Variants in ALG13 observed in about 807,000 individuals in gnomAD.
ALG13 encodes ALG13 UDP-N-acetylglucosaminyltransferase subunit.
ALG13 carries 11 observed loss-of-function variants against 87.8 expected under a neutral mutation model. The ratio of observed to expected loss-of-function variants is 0.13; its 90% CI spans 0.08 to 0.21. The LOEUF (loss-of-function observed/expected upper bound fraction) is 0.21. ALG13 is among the 10% of genes least tolerant of loss of function. ALG13 has a pLI of 1.00. For synonymous variants in ALG13, 320 were observed against 306.3 expected (o/e 1.04, Z -0.47); for missense variants, 756 against 866.1 (o/e 0.87, Z 1.60).
At position 111,737,183 on chromosome X, in the gene ALG13, C is replaced by T. The variant is rs375966601; in HGVS notation, c.2695+304C>T. On this transcript the variant is annotated intron_variant, in intron 23 of 26. Transcript: ENST00000394780. ...TTTTATCATATAAGAGTGAAGATAGCGATGCTTCTCACCTTATAGCAAACT... is the reference window on the plus strand; with the variant it reads ...TTTTATCATATAAGAGTGAAGATAGTGATGCTTCTCACCTTATAGCAAACT... 4.5e-4 allele frequency: 74 copies of T among 164,866 alleles called. 1 individual carries two copies. The South Asian group carries it at 0.022, about 49-fold the overall frequency. The allele number at this position is 164,866 out of a possible 1,213,427, so 13.6% of individuals were successfully genotyped here. A position where few individuals can be genotyped will look rare whatever the true frequency, so the allele number is the denominator to read the frequency against.
In ALG13 at chrX:111,760,218, C is replaced by A; in HGVS notation, c.*219C>A. On this transcript the variant is annotated 3_prime_UTR_variant, in exon 27 of 27. Transcript: ENST00000394780. ...AAATTGAGATGGATGTACAACTAGC[C>A]CCATATTGAGCATACTTCATTGTAT... 2 of 401,090 alleles carry A rather than the reference C, an allele frequency of 5.0e-6. No homozygotes were observed. Among genetic ancestry groups the A allele is most frequent in the Non-Finnish European group, 8.3e-6 (2 of 239,787 alleles). The allele number at this position is 401,090 out of a possible 1,213,427, so 33.1% of individuals were successfully genotyped here.
intron 10 of ALG13, among the ~76,000 whole-genome samples, chrX:111,719,592 CAT>C: frequency 8.9e-6 from 1 of 112,409 alleles, no homozygotes; most frequent in East Asian, 2.8e-4. Flanking sequence ...CTGAGTGTCT[CAT>C]AAGACTGTAA....
At chrX:111,714,113 A>G (rs1352219945) in intron 8 of ALG13, 1 of 111,303 alleles carries the variant, frequency 9.0e-6, no homozygotes, top group African/African-American at 3.3e-5. Context: ...AACTAAGGAG[A>G]AGTAGCATTA....
rs1368901233 is a variant in ALG13 at position 111,739,238 on chromosome X, A to G, written c.2695+2359A>G. On this transcript the variant is annotated intron_variant, in intron 23 of 26. Coordinates refer to ENST00000394780, the MANE Select transcript of ALG13 (RefSeq NM_001099922.3). ...GACCAGGAGAAACTGCCATTTATAAAACTATCAGATCTCATGAGAATTTAC... is the reference window on the plus strand; with the variant it reads ...GACCAGGAGAAACTGCCATTTATAAGACTATCAGATCTCATGAGAATTTAC... Among the ~76,000 whole-genome samples, 3 of 111,458 alleles carry G rather than the reference A, an allele frequency of 2.7e-5. No homozygotes were observed. The Admixed American group carries it at 2.9e-4, about 11-fold the overall frequency.
Position 111,735,071 on chromosome X carries a change from A to G in ALG13, c.2478A>G (p.Ser826=), listed in dbSNP as rs752069556. ...TANLSLQDRK[S]CSMSPQDTVT... ...TAAAGTCTCTTCAGGACAGAAAGTC[A>G]TGTTCTATGTCTCCTCAGGACACAG... The change falls in exon 22 of 27, where the codon TCA becomes TCG. Residue 826 remains serine, a synonymous_variant. Coordinates refer to ENST00000394780, the MANE Select transcript of ALG13 (RefSeq NM_001099922.3). 2 of 1,189,587 alleles carry G rather than the reference A, an allele frequency of 1.7e-6. No homozygotes were observed. Among genetic ancestry groups the G allele is most frequent in the South Asian group, 3.6e-5 (2 of 55,435 alleles).
chrX:111,733,408 TACTTC>T (rs1942917812), intron 21 of ALG13, among the ~76,000 whole-genome samples: 1 of 111,891 alleles, frequency 8.9e-6, no homozygotes, highest in Admixed American at 9.5e-5. Context: ...ATTCCTGAGT[TACTTC>T]ACTTAGAATA....
At chrX:111,716,928 CA>C (rs1304976306) in intron 8 of ALG13, 5 of 109,785 alleles carry the variant, frequency 4.6e-5, no homozygotes, top group Admixed American at 3.9e-4. Flanking sequence ...TTATATAAGA[CA>C]TTTTTTTTTG....
chrX:111,751,699 T>C lies in ALG13; in HGVS notation c.2933-1091T>C, dbSNP rs564051099. 2.7e-5 allele frequency among the ~76,000 whole-genome samples: 3 copies of C among 111,798 alleles called. No individual in the cohort carries two copies. In the Admixed American group the frequency reaches 2.9e-4, roughly 11 times the overall value. On this transcript the variant is annotated intron_variant, in intron 24 of 26. Coordinates refer to ENST00000394780, the MANE Select transcript of ALG13 (RefSeq NM_001099922.3). ...TTAGGCTTTATGCTGTGCTCCTATA[T>C]AATAGTCAAAATACAAGCTGATTTT...
intron 3 of ALG13, among the ~76,000 whole-genome samples, chrX:111,703,742 A>G (rs1244108153): frequency 8.9e-6 from 1 of 111,922 alleles, no homozygotes; most frequent in African/African-American, 3.2e-5. Context: ...GTTTGAATGT[A>G]CCACAGTTTT....
chrX:111,708,511 C>A, intron 4 of ALG13, 118 bp downstream of exon 4: 1 of 898,923 alleles, frequency 1.1e-6, no homozygotes, highest in Non-Finnish European at 1.5e-6. Context: ...AAACATCGGG[C>A]CTGTCAAGGT....
intron 3 of ALG13, among the ~76,000 whole-genome samples, chrX:111,701,077 G>T (rs996997142): frequency 9.0e-6 from 1 of 111,089 alleles, no homozygotes; most frequent in Non-Finnish European, 1.9e-5. Flanking sequence ...TGAGCATGGG[G>T]AATGAGTCTT....
Position 111,728,204 on chromosome X carries a change from C to G in ALG13, c.2267C>G (p.Thr756Arg), listed in dbSNP as rs772050498. The change falls in exon 19 of 27, where the codon ACA (threonine) becomes AGA (arginine). Residue 756 changes from threonine to arginine, a missense_variant. By Grantham distance (71) the Thr-to-Arg change is moderately conservative (BLOSUM62 -1). Around this residue, in one of 9 missense-constraint regions of ALG13, gnomAD observed 362 missense variants for 383.5 expected, o/e 0.94. Transcript: ENST00000394780. ...PTLPNHGGPS[T>R]MVPATSGYCV... ...ATACAGAATCATGGAGGTCCCTCTA[C>G]AATGGTTCCTGCTACTTCAGGATAC... 1 of 1,211,234 alleles carries G rather than the reference C, an allele frequency of 8.3e-7. No homozygotes were observed. The highest frequency in any genetic ancestry group is 2.2e-5 in the Admixed American group (1 of 46,056).
intron 24 of ALG13, among the ~76,000 whole-genome samples, chrX:111,747,591 A>G (rs1944358842): frequency 9.0e-6 from 1 of 111,157 alleles, no homozygotes; most frequent in Non-Finnish European, 1.9e-5. Context: ...GGCTCAAGCA[A>G]TTCTCCTGCC....
At chrX:111,741,997 G>T (rs1307496120) in intron 23 of ALG13, among the ~76,000 whole-genome samples, 1 of 112,081 alleles carries the variant, frequency 8.9e-6, no homozygotes, top group African/African-American at 3.2e-5. Flanking sequence ...TCAAGTGACA[G>T]ATGAAGCAAG....
chrX:111,681,494 G>A (rs1238527103), intron 1 of ALG13, 195 bp downstream of exon 1: 59 of 1,041,315 alleles, frequency 5.7e-5, no homozygotes, highest in Non-Finnish European at 1.1e-5. Context: ...CGGCCACTCG[G>A]GGTTGCCTGT....
Position 111,735,397 on chromosome X carries a change from C to T in ALG13, c.2529+275C>T, listed in dbSNP as rs16986620. Among the ~76,000 whole-genome samples the T allele has an allele frequency of 0.018, 2,039 of 111,717 alleles. 20 individuals carry two copies. Among genetic ancestry groups the T allele is most frequent in the Non-Finnish European group, 0.03 (1,598 of 53,107 alleles). On this transcript the variant is annotated intron_variant, in intron 22 of 26. Coordinates refer to ENST00000394780, the MANE Select transcript of ALG13 (RefSeq NM_001099922.3). The stretch of plus-strand genomic sequence containing the variant: ...ATAAAGAGTGAGTTAATCTAAATTA[C>T]CCATCAATTCTGTCTCATTAACTGA...
intron 25 of ALG13, among the ~76,000 whole-genome samples, chrX:111,756,939 T>A (rs1945310975): frequency 8.9e-6 from 1 of 112,045 alleles, no homozygotes; most frequent in Admixed American, 9.5e-5. Flanking sequence ...TGTAATCTAT[T>A]TCACTGAGGC....
At chrX:111,758,752 G>A (rs1468351753) in intron 26 of ALG13, among the ~76,000 whole-genome samples, 1 of 112,059 alleles carries the variant, frequency 8.9e-6, no homozygotes, top group East Asian at 2.8e-4. Context: ...CACTTATGTA[G>A]TTTGGGTGTA....
At chrX:111,751,315 C>T (rs1166674691) in intron 24 of ALG13, among the ~76,000 whole-genome samples, 1 of 111,563 alleles carries the variant, frequency 9.0e-6, no homozygotes, top group African/African-American at 3.3e-5. Flanking sequence ...GATCCATCCA[C>T]CTTGGCCTCC....
Sources: gnomAD v4.1 joint callset for allele counts (sites outside exome capture counted in the v4.1 genomes callset) on GRCh38, gnomAD v4.1.1 for gene constraint, gnomAD v4.1.1 regional missense constraint, MANE v1.5 for transcripts, NCBI Gene and HGNC (gene_info 2026-07-23, HGNC 2026-07-21) for gene names.